DAB1: variants seen among roughly 807,000 people sequenced by gnomAD.
DAB1 encodes the protein DAB adaptor protein 1, also known as disabled homolog 1.
In DAB1, 15 loss-of-function variants were observed where a neutral mutation model predicts 64.6. The observed-to-expected ratio is 0.23, with a 90% CI of 0.16 to 0.36. DAB1 has a LOEUF of 0.36. Ranked by LOEUF, DAB1 falls within the 10% of genes least tolerant of loss-of-function variation. The pLI is 1.00. For missense variants in DAB1, 596 were observed against 706.7 expected (o/e 0.84, Z 1.78); for synonymous variants, 235 against 251.9 (o/e 0.93, Z 0.64).
intron 5 of DAB1, among the ~76,000 whole-genome samples, chr1:58,004,462 G>C (rs1646551520): frequency 6.6e-6 from 1 of 152,036 alleles, no homozygotes. Context: ...GGAAGCTGTG[G>C]GAACACAAGA....
chr1:58,499,908 T>C (rs1054395637), intron 3 of DAB1, among the ~76,000 whole-genome samples: 4 of 152,082 alleles, frequency 2.6e-5, no homozygotes, highest in East Asian at 1.9e-4. Flanking sequence ...AGGTATTACA[T>C]ATCAAGTAAA....
intron 3 of DAB1, among the ~76,000 whole-genome samples, chr1:58,430,056 A>G (rs1379865054): frequency 6.6e-6 from 1 of 152,168 alleles, no homozygotes; most frequent in Non-Finnish European, 1.5e-5. Context: ...CCCATTCAAG[A>G]GGGATCCACC....
At chr1:57,811,166 C>A (rs532175466) in intron 6 of DAB1, among the ~76,000 whole-genome samples, 1 of 152,236 alleles carries the variant, frequency 6.6e-6, no homozygotes, top group Admixed American at 6.5e-5. Flanking sequence ...TTAATCACAT[C>A]TGCAAAGTGT....
At chr1:58,038,635 G>GGGGT (rs61433637) in intron 5 of DAB1, among the ~76,000 whole-genome samples, 4,514 of 152,110 alleles carry the variant, frequency 0.03, 211 homozygotes, top group African/African-American at 0.1. Context: ...CTGCCCTGAT[G>GGGGT]GGGTGTTATT....
intron 3 of DAB1, among the ~76,000 whole-genome samples, chr1:58,354,244 C>T (rs1033570362): frequency 6.6e-6 from 1 of 151,958 alleles, no homozygotes; most frequent in Non-Finnish European, 1.5e-5. Context: ...CCCAGATCTA[C>T]GAGAAAGGAT....
rs534414245 is a variant in DAB1 at position 57,916,885 on chromosome 1, G to T, written n.388-32723C>A. 2.0e-5 allele frequency among the ~76,000 whole-genome samples: 3 copies of T among 152,116 alleles called. No homozygotes were observed. In the East Asian group the frequency reaches 5.8e-4, roughly 29 times the overall value. ...TTGAACCTGGGAGGCGGAGATTGCA[G>T]TGAGCCAAGATCGCGCCACTGCACT... On this transcript the variant is annotated intron_variant and non_coding_transcript_variant, in intron 5 of 20. Coordinates refer to the DAB1 transcript ENST00000485760.
Position 57,870,902 on chromosome 1 carries a change from G to A in DAB1, n.87+13097C>T, listed in dbSNP as rs186702694. Among the ~76,000 whole-genome samples, 370 of 152,274 alleles carry A rather than the reference G, an allele frequency of 2.4e-3. 1 individual carries two copies. Among genetic ancestry groups the A allele is most frequent in the South Asian group, 9.1e-3 (44 of 4,832 alleles). ...GGGTGATCCTGATAAAGACAAAAGA[G>A]TTGACATTGGCAAGGAGAATTTATC... On this transcript the variant is annotated intron_variant and non_coding_transcript_variant, in intron 1 of 1. Coordinates refer to the DAB1 transcript ENST00000477280.
In DAB1 at chr1:57,341,751, C is replaced by T. The variant is rs147519945; in HGVS notation, c.-136-50585G>A. On this transcript the variant is annotated intron_variant, in intron 1 of 14. Transcript: ENST00000371236. ...CAAACATTAAGAGTACACAGGTCCC[C>T]CGAAAAAGATTATTACCAACAGTTC... Among the ~76,000 whole-genome samples, 25 of 152,186 alleles carry T rather than the reference C, an allele frequency of 1.6e-4. No homozygotes were observed. The East Asian group carries it at 4.8e-3, about 29-fold the overall frequency.
intron 5 of DAB1, among the ~76,000 whole-genome samples, chr1:58,012,824 T>C (rs919142900): frequency 3.3e-5 from 5 of 152,226 alleles, no homozygotes; most frequent in Non-Finnish European, 5.9e-5. Context: ...TAGTCTACAG[T>C]ATTCTGTTAT....
intron 4 of DAB1, among the ~76,000 whole-genome samples, chr1:58,288,565 A>G (rs1202294923): frequency 1.3e-5 from 2 of 152,224 alleles, no homozygotes; most frequent in African/African-American, 2.4e-5. Flanking sequence ...TCCCAGCCAT[A>G]TGTACACAGT....
At chr1:57,984,129 C>T (rs1646133430) in intron 5 of DAB1, among the ~76,000 whole-genome samples, 2 of 147,796 alleles carry the variant, frequency 1.4e-5, no homozygotes, top group Non-Finnish European at 3.0e-5. Context: ...GAAATAGGAG[C>T]TCGCCTTGGT....
At chr1:57,386,739 CGT>C (rs56161534) in intron 1 of DAB1, 16,645 of 149,508 alleles carry the variant, frequency 0.11, 963 homozygotes, top group Middle Eastern at 0.13. Flanking sequence ...TGTGCGTGTG[CGT>C]GTGTGTGTGT....
chr1:57,575,583 TAA>T (rs1307017113), intron 7 of DAB1, among the ~76,000 whole-genome samples: 1 of 152,184 alleles, frequency 6.6e-6, no homozygotes, highest in East Asian at 1.9e-4. Context: ...ATGAAAATGA[TAA>T]GACAGTGAAA....
chr1:57,758,182 A>T (rs1648906470), intron 6 of DAB1, among the ~76,000 whole-genome samples: 1 of 152,210 alleles, frequency 6.6e-6, no homozygotes, highest in Admixed American at 6.5e-5. Context: ...AAATCATTAT[A>T]GTTAAGAACT....
intron 4 of DAB1, among the ~76,000 whole-genome samples, chr1:58,300,646 G>GGAAGGAAGGAAGGAAGGA (rs1553173952): frequency 1.7e-5 from 1 of 57,292 alleles, no homozygotes; most frequent in Non-Finnish European, 3.5e-5. Context: ...GAGAGAGAGA[G>GGAAGGAAGGAAGGAAGGA]AGGAAGGAAG....
intron 5 of DAB1, among the ~76,000 whole-genome samples, chr1:57,990,150 A>G (rs1253981185): frequency 1.3e-5 from 2 of 152,176 alleles, no homozygotes; most frequent in African/African-American, 4.8e-5. Context: ...CTCAGCTCCC[A>G]GGAAATGGTG....
intron 3 of DAB1, among the ~76,000 whole-genome samples, chr1:58,366,118 G>C (rs1644214955): frequency 6.6e-6 from 1 of 152,176 alleles, no homozygotes. Context: ...CCAGCCACTT[G>C]GTGGATGGCA....
At chr1:58,393,490 A>C (rs982793919) in intron 3 of DAB1, among the ~76,000 whole-genome samples, 1 of 152,198 alleles carries the variant, frequency 6.6e-6, no homozygotes, top group Non-Finnish European at 1.5e-5. Context: ...ACCGTTTTAC[A>C]TATTAAAAAA....
intron 3 of DAB1, among the ~76,000 whole-genome samples, chr1:58,426,146 C>T (rs567031700): frequency 2.0e-5 from 3 of 152,092 alleles, no homozygotes; most frequent in Non-Finnish European, 4.4e-5. Flanking sequence ...TTCCATTTTG[C>T]AGTGATAAAA....
Sources: gnomAD v4.1 joint callset for allele counts (sites outside exome capture counted in the v4.1 genomes callset) on GRCh38, gnomAD v4.1.1 for gene constraint, MANE v1.5 for transcripts, NCBI Gene and HGNC (gene_info 2026-07-23, HGNC 2026-07-21) for gene names.